OVCH1: variants seen among roughly 807,000 people sequenced by gnomAD.
The protein encoded by OVCH1 is ovochymase-1.
In OVCH1, 139 loss-of-function variants were observed where a neutral mutation model predicts 138.4. The observed-to-expected ratio is 1.00, with a 90% confidence interval of 0.87 to 1.16. The LOEUF (loss-of-function observed/expected upper bound fraction) is 1.16. OVCH1 is among the 50% of genes most tolerant of loss of function. The pLI is 0.00. For synonymous variants in OVCH1, 453 were observed against 467.8 expected, an observed-to-expected ratio of 0.97 and a Z score of 0.41; for missense variants, 1,367 against 1,357.9, an observed-to-expected ratio of 1.01 and a Z score of -0.11.
chr12:29,491,138 C>A, exon 5 of OVCH1: 1 of 1,613,720 alleles, frequency 6.2e-7, no homozygotes, highest in South Asian at 1.1e-5. Flanking sequence ...GCAAAGAATT[C>A]CTGGTTCAAC....
At chr12:29,496,655 G>A (rs1274986924) in exon 2 of OVCH1, 1 of 1,612,802 alleles carries the variant, frequency 6.2e-7, no homozygotes, top group South Asian at 1.1e-5. Context: ...TGTTGACCAT[G>A]CGAATTCCAC....
chr12:29,495,626 T>C lies in OVCH1; in HGVS notation c.282-169A>G, dbSNP rs186849121. On this transcript the variant is annotated intron_variant, in intron 3 of 27. Coordinates refer to ENST00000318184, the Ensembl canonical transcript of OVCH1. Reference sequence around the variant, plus strand: ...ACCAATGGTCATATTTTTTTTAATCTAGAAAAAATCGTAGTTTTCAGTCAT... The same window carrying C: ...ACCAATGGTCATATTTTTTTTAATCCAGAAAAAATCGTAGTTTTCAGTCAT... Among the ~76,000 whole-genome samples, 89 of 152,336 alleles carry C rather than the reference T, an allele frequency of 5.8e-4. 1 individual carries two copies. The East Asian group carries it at 0.015, about 25-fold the overall frequency.
chr12:29,488,924 T>A (rs916882022), intron 6 of OVCH1, among the ~76,000 whole-genome samples: 33 of 152,286 alleles, frequency 2.2e-4, no homozygotes, highest in African/African-American at 7.9e-4. Context: ...CAAACTCCTG[T>A]CATCGCCTCG....
downstream of OVCH1, among the ~76,000 whole-genome samples, chr12:29,425,306 T>C (rs1204013443): frequency 1.3e-5 from 2 of 152,160 alleles, no homozygotes; most frequent in African/African-American, 4.8e-5. Context: ...AGCCTGTAGG[T>C]TGAAGATAGG....
At chr12:29,477,406 G>T in exon 11 of OVCH1, 1 of 1,613,970 alleles carries the variant, frequency 6.2e-7, no homozygotes, top group Non-Finnish European at 8.5e-7. Context: ...TTCTGTATCA[G>T]AAACAAATGG....
exon 15 of OVCH1, chr12:29,473,033 C>G: frequency 6.2e-7 from 1 of 1,608,034 alleles, no homozygotes; most frequent in African/African-American, 1.3e-5. Flanking sequence ...ACTCACCATG[C>G]AGAATAGCTT....
At chr12:29,460,898 A>T (rs190951328) in intron 19 of OVCH1, among the ~76,000 whole-genome samples, 8 of 152,336 alleles carry the variant, frequency 5.3e-5, no homozygotes, top group Admixed American at 1.3e-4. Flanking sequence ...GAATTTAAGC[A>T]AGGCTTGACA....
At chr12:29,481,923 C>T (rs944332076) in intron 8 of OVCH1, among the ~76,000 whole-genome samples, 2 of 152,218 alleles carry the variant, frequency 1.3e-5, no homozygotes, top group African/African-American at 4.8e-5. Context: ...TACCACTCTT[C>T]ACCACCTCTA....
intron 14 of OVCH1, among the ~76,000 whole-genome samples, chr12:29,474,183 C>CTA (rs1565597754): frequency 6.6e-6 from 1 of 151,852 alleles, no homozygotes; most frequent in African/African-American, 2.4e-5. Context: ...TCCATCCCTA[C>CTA]TATATATATA....
At chr12:29,479,926 C>T (rs1484660794) in intron 8 of OVCH1, among the ~76,000 whole-genome samples, 2 of 150,534 alleles carry the variant, frequency 1.3e-5, no homozygotes, top group African/African-American at 4.9e-5. Context: ...CAGGTTCAAG[C>T]GATTCTTCTG....
rs1943157314 is a variant in OVCH1, at chr12:29,487,893, A to G, written c.703-11T>C. The G allele has an allele frequency of 6.3e-7, 1 of 1,594,178 alleles. No individual in the cohort carries two copies. The highest frequency in any genetic ancestry group is 8.5e-7 in the Non-Finnish European group (1 of 1,172,630). On this transcript the variant is annotated splice_polypyrimidine_tract_variant and intron_variant, in intron 6 of 27. Coordinates refer to ENST00000318184, the Ensembl canonical transcript of OVCH1. ...TCCTCCAGAGTCCCCCTTTCATGGT[A>G]CAAAAAAAGAGAAAATTTGAAAATA...
intron 4 of OVCH1, among the ~76,000 whole-genome samples, chr12:29,494,613 T>TAC (rs961735999): frequency 2.0e-5 from 3 of 152,192 alleles, no homozygotes; most frequent in Admixed American, 1.3e-4. Context: ...GTAGTATATA[T>TAC]ACACAACGGA....
chr12:29,454,013 G>T (rs1411642568), intron 21 of OVCH1, among the ~76,000 whole-genome samples: 2 of 151,874 alleles, frequency 1.3e-5, no homozygotes, highest in Admixed American at 1.3e-4. Context: ...TTGTTCATCT[G>T]CTAAGAAAAA....
chr12:29,476,906 C>T (rs909558102), intron 12 of OVCH1, among the ~76,000 whole-genome samples, 196 bp downstream of exon 12: 8 of 152,020 alleles, frequency 5.3e-5, no homozygotes, highest in African/African-American at 1.9e-4. Context: ...CCTTACTTTT[C>T]ATTGGATACA....
chr12:29,409,818 T>G (rs1297142579), downstream of OVCH1, among the ~76,000 whole-genome samples: 2 of 152,134 alleles, frequency 1.3e-5, no homozygotes, highest in Non-Finnish European at 2.9e-5. Flanking sequence ...TAGATGTCTA[T>G]GAGGTCTGCT....
At chr12:29,454,862 G>A in exon 21 of OVCH1, 1 of 1,611,394 alleles carries the variant, frequency 6.2e-7, no homozygotes, top group African/African-American at 1.3e-5. Flanking sequence ...GCACTGTCTG[G>A]TGAAGGTGTG....
chr12:29,455,553 A>G, intron 19 of OVCH1, 148 bp from the exon 20 acceptor site: 1 of 937,570 alleles, frequency 1.1e-6, no homozygotes, highest in Non-Finnish European at 1.5e-6. Context: ...TTTACATACT[A>G]TCTATTCACT....
chr12:29,489,513 G>T (rs977523231), intron 6 of OVCH1, 107 bp downstream of exon 6: 12 of 1,276,348 alleles, frequency 9.4e-6, no homozygotes, highest in African/African-American at 1.5e-5. Flanking sequence ...AAGGGAAAAA[G>T]AATTTTGACA....
intron 25 of OVCH1, chr12:29,440,452 C>T (rs909016895): frequency 1.8e-5 from 4 of 218,742 alleles, no homozygotes; most frequent in Non-Finnish European, 3.7e-5. Context: ...AATAGGGTGA[C>T]AGTCTAAACT....
Sources: allele counts gnomAD v4.1 joint callset (sites outside exome capture counted in the v4.1 genomes callset), GRCh38; gene constraint gnomAD v4.1.1; transcripts MANE v1.5; gene names NCBI Gene and HGNC (gene_info 2026-07-23, HGNC 2026-07-21).